The following CHODL variants were observed in gnomAD, a reference collection of about 807,000 sequenced individuals.
The protein encoded by CHODL is transmembrane protein MT75.
Under a neutral mutation model 34.5 loss-of-function variants are expected in CHODL, and 29 were observed. That is an observed-to-expected ratio of 0.84 (90% CI 0.63 to 1.15). CHODL has a LOEUF of 1.15. CHODL is among the 50% of genes most tolerant of loss of function. The probability of loss-of-function intolerance (pLI) is 0.00; values close to 1 mark genes in which losing one functional copy is unlikely to be tolerated. For missense variants in CHODL, 332 were observed against 332.5 expected (o/e 1.00, Z 0.01); for synonymous variants, 125 against 116.1 (o/e 1.08, Z -0.49).
intron 2 of CHODL, among the ~76,000 whole-genome samples, chr21:18,056,488 T>TG (rs2064582099): frequency 6.6e-6 from 1 of 151,478 alleles, no homozygotes. Flanking sequence ...TTTTTTTTTT[T>TG]TGTGGTGAGT....
chr21:17,978,122 C>G (rs1335668699), intron 1 of CHODL, among the ~76,000 whole-genome samples: 3 of 151,852 alleles, frequency 2.0e-5, no homozygotes, highest in Non-Finnish European at 4.4e-5. Context: ...CTGGGTATTA[C>G]CAAGCCAAAA....
chr21:18,080,824 T>C (rs2064932938), intron 2 of CHODL, among the ~76,000 whole-genome samples: 1 of 152,204 alleles, frequency 6.6e-6, no homozygotes, highest in Non-Finnish European at 1.5e-5. Context: ...TTTAAGCTCT[T>C]TTTTGGTTCC....
intron 2 of CHODL, among the ~76,000 whole-genome samples, chr21:18,231,280 C>T (rs1037603849): frequency 2.3e-4 from 35 of 152,110 alleles, no homozygotes; most frequent in African/African-American, 8.0e-4. Flanking sequence ...TTGGATCCGA[C>T]GTCATGAAAT....
chr21:18,165,323 TTC>T (rs1743421246), intron 2 of CHODL, among the ~76,000 whole-genome samples: 1 of 152,386 alleles, frequency 6.6e-6, no homozygotes, highest in African/African-American at 2.4e-5. Flanking sequence ...ACTTAAGTTT[TTC>T]TGTTTTATAA....
intron 2 of CHODL, among the ~76,000 whole-genome samples, chr21:18,170,130 AT>A (rs1255169713): frequency 1.3e-5 from 2 of 151,744 alleles, no homozygotes; most frequent in East Asian, 1.9e-4. Context: ...GTATATTTTC[AT>A]TTTTTTATGT....
intron 1 of CHODL, among the ~76,000 whole-genome samples, chr21:17,996,366 T>C (rs1412917727): frequency 6.6e-6 from 1 of 152,234 alleles, no homozygotes; most frequent in Non-Finnish European, 1.5e-5. Context: ...TCTTAGGTAC[T>C]TGTGAACATG....
chr21:18,193,710 A>AAAT (rs1491083663), intron 2 of CHODL, among the ~76,000 whole-genome samples: 2 of 143,292 alleles, frequency 1.4e-5, no homozygotes, highest in African/African-American at 5.3e-5. Context: ...AAAAAAAAAA[A>AAAT]TAAAATAAAT....
At chr21:17,927,208 G>GTA (rs566915473) in intron 1 of CHODL, among the ~76,000 whole-genome samples, 2,689 of 144,140 alleles carry the variant, frequency 0.019, 51 homozygotes, top group Admixed American at 0.023. Flanking sequence ...ATGTGTGTGT[G>GTA]TATATATATA....
At chr21:18,125,877 C>A (rs972665505) in intron 2 of CHODL, among the ~76,000 whole-genome samples, 1 of 152,134 alleles carries the variant, frequency 6.6e-6, no homozygotes, top group African/African-American at 2.4e-5. Flanking sequence ...AAAGCAGCAG[C>A]AGGTTTAGAG....
chr21:18,022,931 C>T (rs2064141054), intron 1 of CHODL, among the ~76,000 whole-genome samples: 1 of 152,172 alleles, frequency 6.6e-6, no homozygotes, highest in South Asian at 2.1e-4. Context: ...TTTCTCCACT[C>T]CTCTTAAGAG....
At chr21:17,941,899 T>G (rs963516618) in intron 1 of CHODL, among the ~76,000 whole-genome samples, 123 of 152,272 alleles carry the variant, frequency 8.1e-4, no homozygotes, top group African/African-American at 2.7e-3. Context: ...CACCTTTACA[T>G]TGGTGGAAGG....
intron 2 of CHODL, among the ~76,000 whole-genome samples, chr21:18,119,415 C>A (rs576005171): frequency 6.6e-6 from 1 of 152,240 alleles, no homozygotes; most frequent in Admixed American, 6.5e-5. Context: ...TCTGTGCAAA[C>A]CTCACAAGCT....
At position 18,001,750 on chromosome 21, in the gene CHODL, A is replaced by G. The variant is rs369911606; in HGVS notation, c.-144-26122A>G. On this transcript the variant is annotated intron_variant, in intron 1 of 6. Coordinates refer to the CHODL transcript ENST00000400127. ...CCTAGGTAAGGAAGAGAGAGAATTC[A>G]TGCCATACGTTGGCCTCATCCTCTT... Among the ~76,000 whole-genome samples the G allele has an allele frequency of 4.0e-5, 6 of 148,690 alleles. 1 individual carries two copies. The highest frequency in any genetic ancestry group is 1.3e-4 in the Admixed American group (2 of 14,844).
chr21:18,025,508 G>A (rs2064165953), intron 1 of CHODL, among the ~76,000 whole-genome samples: 1 of 152,166 alleles, frequency 6.6e-6, no homozygotes, highest in Non-Finnish European at 1.5e-5. Flanking sequence ...AGAGATGGAA[G>A]TAAATCTATG....
At chr21:18,135,249 G>T (rs757465970) in intron 2 of CHODL, among the ~76,000 whole-genome samples, 11 of 152,038 alleles carry the variant, frequency 7.2e-5, no homozygotes, top group Non-Finnish European at 1.5e-4. Flanking sequence ...GTTGCCCTTT[G>T]CCAATTCTGT....
chr21:18,067,847 T>C (rs1237700923), intron 2 of CHODL, among the ~76,000 whole-genome samples: 1 of 152,196 alleles, frequency 6.6e-6, no homozygotes, highest in Non-Finnish European at 1.5e-5. Flanking sequence ...CACGCAACAG[T>C]CTAGCCAGAA....
chr21:17,965,872 T>C (rs1252255562), intron 1 of CHODL, among the ~76,000 whole-genome samples: 1 of 151,564 alleles, frequency 6.6e-6, no homozygotes, highest in Admixed American at 6.6e-5. Flanking sequence ...AATTGTTCTA[T>C]TGAATGACAG....
chr21:17,986,005 T>C (rs1039557993), intron 1 of CHODL, among the ~76,000 whole-genome samples: 1 of 152,134 alleles, frequency 6.6e-6, no homozygotes, highest in Admixed American at 6.6e-5. Flanking sequence ...CTTCATGACC[T>C]AATTATCTTC....
intron 1 of CHODL, among the ~76,000 whole-genome samples, chr21:18,248,694 CATATATATGTAT>C (rs1229813623): frequency 1.9e-5 from 2 of 108,044 alleles, no homozygotes; most frequent in Non-Finnish European, 3.4e-5. Flanking sequence ...ATATTATATA[CATATATATGTAT>C]ATAATATATA....
Sources: gnomAD v4.1 joint callset for allele counts (sites outside exome capture counted in the v4.1 genomes callset) on GRCh38, gnomAD v4.1.1 for gene constraint, MANE v1.5 for transcripts, NCBI Gene and HGNC (gene_info 2026-07-23, HGNC 2026-07-21) for gene names.